The following CRISPLD2 variants were observed in gnomAD, a reference collection of about 807,000 sequenced individuals.
The protein encoded by CRISPLD2 is cysteine rich secretory protein LCCL domain containing 2.
Under a neutral mutation model 71.1 loss-of-function variants are expected in CRISPLD2, and 47 were observed. The observed-to-expected ratio is 0.66, with a 90% CI of 0.52 to 0.84. CRISPLD2 has a LOEUF of 0.84. Among genes scored for constraint, CRISPLD2 ranks in the 40% least tolerant of loss-of-function variants. The pLI, the probability that CRISPLD2 is intolerant of heterozygous loss-of-function variation, is 0.00. For synonymous variants in CRISPLD2, 317 were observed against 250.1 expected (o/e 1.27, Z -2.52); for missense variants, 830 against 651.1 (o/e 1.27, Z -2.99).
intron 12 of CRISPLD2, among the ~76,000 whole-genome samples, chr16:84,877,831 C>G (rs183682731): frequency 1.3e-5 from 2 of 151,836 alleles, no homozygotes; most frequent in South Asian, 2.1e-4. Flanking sequence ...GCCTGGGTGA[C>G]GAGTGAAACT....
At chr16:84,861,571 G>A (rs961489481) in intron 6 of CRISPLD2, among the ~76,000 whole-genome samples, 7 of 152,100 alleles carry the variant, frequency 4.6e-5, no homozygotes, top group Non-Finnish European at 8.8e-5. Context: ...TATGGCAGCT[G>A]ATTAGATGGT....
At chr16:84,829,608 G>C (rs1182152196) in intron 1 of CRISPLD2, among the ~76,000 whole-genome samples, 2 of 152,182 alleles carry the variant, frequency 1.3e-5, no homozygotes, top group Non-Finnish European at 2.9e-5. Context: ...TGGACCATGG[G>C]TCTCAGCTGA....
At chr16:84,827,144 C>A (rs1359323873) in intron 1 of CRISPLD2, among the ~76,000 whole-genome samples, 2 of 151,716 alleles carry the variant, frequency 1.3e-5, no homozygotes, top group African/African-American at 2.4e-5. Context: ...CCCGCACCCC[C>A]CAAGGTAGTC....
chr16:84,821,789 C>G (rs1916237112), intron 1 of CRISPLD2, among the ~76,000 whole-genome samples: 1 of 152,188 alleles, frequency 6.6e-6, no homozygotes, highest in Non-Finnish European at 1.5e-5. Context: ...TGTAATAATA[C>G]AAGCAGCTGA....
chr16:84,833,065 TTAAAC>T (rs1330711127), intron 1 of CRISPLD2, among the ~76,000 whole-genome samples: 4 of 152,210 alleles, frequency 2.6e-5, no homozygotes, highest in Non-Finnish European at 5.9e-5. Flanking sequence ...TGGTTTCACT[TTAAAC>T]TAGCCACACA....
chr16:84,834,225 G>A (rs553354434), intron 1 of CRISPLD2, among the ~76,000 whole-genome samples: 4 of 152,222 alleles, frequency 2.6e-5, no homozygotes, highest in Admixed American at 2.0e-4. Flanking sequence ...CACGACGGGC[G>A]CAGGGCAGGT....
intron 13 of CRISPLD2, among the ~76,000 whole-genome samples, chr16:84,885,838 A>T (rs115304051): frequency 0.02 from 1,486 of 74,580 alleles, 35 homozygotes; most frequent in African/African-American, 0.071. Context: ...TTTTTTTGAG[A>T]TGGGATCTGG....
chr16:84,862,298 C>A (rs903189), intron 6 of CRISPLD2, among the ~76,000 whole-genome samples: 98,149 of 151,706 alleles, frequency 0.65, 31,934 homozygotes, highest in East Asian at 0.73. Context: ...AACCTCCCGG[C>A]CTCAAGGGAT....
chr16:84,888,219 G>A (rs1310251656), intron 13 of CRISPLD2, among the ~76,000 whole-genome samples: 1 of 152,106 alleles, frequency 6.6e-6, no homozygotes, highest in South Asian at 2.1e-4. Flanking sequence ...ATTGGCTCAT[G>A]GCCTCTTCTT....
intron 1 of CRISPLD2, among the ~76,000 whole-genome samples, chr16:84,837,524 C>T (rs567019863): frequency 3.0e-4 from 46 of 151,820 alleles, no homozygotes; most frequent in African/African-American, 1.0e-3. Flanking sequence ...TCACGCCATT[C>T]TCCCGCCTCA....
Position 84,845,768 on chromosome 16 carries a change from T to TTTCTCC in CRISPLD2, c.241-10_241-5dup. ...CCTCACCCTCACCTCCTGGTGCCCGTTTCTCCTTCTCCTGCAGACCTGGGA... is the reference window on the plus strand; with the variant it reads ...CCTCACCCTCACCTCCTGGTGCCCGTTTCTCCTTCTCCTTCTCCTGCAGACCTGGGA... On this transcript the variant is annotated splice_polypyrimidine_tract_variant and intron_variant, in intron 2 of 14. Coordinates refer to ENST00000262424, the MANE Select transcript of CRISPLD2 (RefSeq NM_031476.4). 1 of 1,577,652 alleles carries TTTCTCC rather than the reference T, an allele frequency of 6.3e-7. No homozygotes were observed. Among genetic ancestry groups the TTTCTCC allele is most frequent in the Non-Finnish European group, 8.7e-7 (1 of 1,148,386 alleles).
intron 9 of CRISPLD2, 140 bp downstream of exon 9, chr16:84,872,648 G>A (rs2071481429): frequency 2.6e-6 from 2 of 761,056 alleles, no homozygotes; most frequent in Admixed American, 2.8e-5. Context: ...TGGGGCGGGT[G>A]TATATTTATG....
intron 13 of CRISPLD2, among the ~76,000 whole-genome samples, chr16:84,888,148 G>C (rs1405239914): frequency 6.6e-6 from 1 of 152,238 alleles, no homozygotes; most frequent in Non-Finnish European, 1.5e-5. Context: ...CTTCCTTCTA[G>C]AGGCTTCAGA....
At chr16:84,890,795 C>G (rs773385356) in intron 14 of CRISPLD2, among the ~76,000 whole-genome samples, 2 of 151,222 alleles carry the variant, frequency 1.3e-5, no homozygotes, top group Non-Finnish European at 3.0e-5. Flanking sequence ...AACTCTGTCT[C>G]AAAAAAAAGA....
At chr16:84,873,823 G>C in intron 10 of CRISPLD2, 97 bp from the exon 11 acceptor site, 1 of 1,144,362 alleles carries the variant, frequency 8.7e-7, no homozygotes, top group East Asian at 2.4e-5. Flanking sequence ...AGTCGAGACT[G>C]CAAATAAGAT....
At chr16:84,834,606 C>T (rs907188665) in intron 1 of CRISPLD2, among the ~76,000 whole-genome samples, 2 of 152,236 alleles carry the variant, frequency 1.3e-5, no homozygotes, top group Non-Finnish European at 2.9e-5. Flanking sequence ...TATTTGGAAA[C>T]AGTCCTGTCC....
intron 9 of CRISPLD2, 69 bp downstream of exon 9, chr16:84,872,577 T>A (rs914700154): frequency 8.1e-5 from 109 of 1,337,472 alleles, no homozygotes; most frequent in Non-Finnish European, 1.0e-4. Context: ...AAGCAGGTGG[T>A]TGGCTTTAGT....
chr16:84,871,847 T>C lies in CRISPLD2; in HGVS notation c.915-595T>C, dbSNP rs566355987. The stretch of plus-strand genomic sequence containing the variant: ...GATTACAGGTGTGAGCCACTGTGCC[T>C]GGCCTTGTTTTTTTTCAAATGAGAA... On this transcript the variant is annotated intron_variant, in intron 8 of 14. Coordinates refer to ENST00000262424, the MANE Select transcript of CRISPLD2 (RefSeq NM_031476.4). Among the ~76,000 whole-genome samples, 9 of 133,916 alleles carry C rather than the reference T, an allele frequency of 6.7e-5. 1 individual carries two copies. In the South Asian group the frequency reaches 2.2e-3, roughly 32 times the overall value. The allele number at this position is 133,916 out of a possible 152,430, so 87.9% of individuals were successfully genotyped here.
At chr16:84,821,955 G>C (rs76808759) in intron 1 of CRISPLD2, among the ~76,000 whole-genome samples, 4,431 of 152,360 alleles carry the variant, frequency 0.029, 105 homozygotes, top group Non-Finnish European at 0.045. Flanking sequence ...GGGCGGGGTA[G>C]AGCTGCCGTC....
Sources: allele counts gnomAD v4.1 joint callset (sites outside exome capture counted in the v4.1 genomes callset), GRCh38; gene constraint gnomAD v4.1.1; transcripts MANE v1.5; gene names NCBI Gene and HGNC (gene_info 2026-07-23, HGNC 2026-07-21).